The following MDGA2 variants were observed in gnomAD, a reference collection of about 807,000 sequenced individuals.
MDGA2 encodes MAM domain-containing glycosylphosphatidylinositol anchor protein 2.
Under a neutral mutation model 117.8 loss-of-function variants are expected in MDGA2, and 40 were observed. That is an observed-to-expected ratio of 0.34 (90% CI 0.26 to 0.44). The LOEUF (loss-of-function observed/expected upper bound fraction) is 0.44, where lower values mean the gene tolerates loss of function less well. MDGA2 is among the 20% of genes least tolerant of loss of function. The pLI, the probability that MDGA2 is intolerant of heterozygous loss-of-function variation, is 1.00. For missense variants in MDGA2, 1,123 were observed against 1,250.6 expected, an observed-to-expected ratio of 0.90 and a Z score of 1.54; for synonymous variants, 452 against 439.0, an observed-to-expected ratio of 1.03 and a Z score of -0.37.
At chr14:47,249,026 G>GTTT (rs60226550) in intron 2 of MDGA2, among the ~76,000 whole-genome samples, 4 of 145,076 alleles carry the variant, frequency 2.8e-5, no homozygotes, top group African/African-American at 1.0e-4. Flanking sequence ...TGTTGTTGTT[G>GTTT]TTTTTTGTTT....
chr14:47,022,889 C>T (rs906825972), intron 8 of MDGA2, among the ~76,000 whole-genome samples: 2 of 152,098 alleles, frequency 1.3e-5, no homozygotes, highest in African/African-American at 2.4e-5. Context: ...CTTTGAATCA[C>T]AGGTGATGAG....
intron 1 of MDGA2, among the ~76,000 whole-genome samples, chr14:47,563,130 A>T (rs924462980): frequency 6.6e-6 from 1 of 151,920 alleles, no homozygotes; most frequent in Non-Finnish European, 1.5e-5. Context: ...TTAAAAAAAA[A>T]TTTCTGAGGA....
chr14:47,575,908 C>T (rs1896107656), intron 1 of MDGA2, among the ~76,000 whole-genome samples: 1 of 152,052 alleles, frequency 6.6e-6, no homozygotes, highest in Non-Finnish European at 1.5e-5. Context: ...TTATATTTAG[C>T]ACACAAAAAC....
intron 1 of MDGA2, among the ~76,000 whole-genome samples, chr14:47,317,232 A>C (rs1344288971): frequency 1.3e-5 from 2 of 152,138 alleles, no homozygotes; most frequent in African/African-American, 4.8e-5. Flanking sequence ...AAATACAATA[A>C]TAAATAGCTG....
intron 1 of MDGA2, among the ~76,000 whole-genome samples, chr14:47,362,172 G>T (rs1440019564): frequency 1.3e-5 from 2 of 152,046 alleles, no homozygotes; most frequent in Non-Finnish European, 2.9e-5. Flanking sequence ...AAATGAATTT[G>T]CATTACTGAT....
intron 8 of MDGA2, among the ~76,000 whole-genome samples, chr14:47,030,847 T>C (rs1888638816): frequency 6.6e-6 from 1 of 152,178 alleles, no homozygotes; most frequent in Non-Finnish European, 1.5e-5. Context: ...CTTCATACTC[T>C]GGTCCATAAT....
chr14:47,334,837 G>C (rs545897399), intron 1 of MDGA2, among the ~76,000 whole-genome samples: 5 of 151,986 alleles, frequency 3.3e-5, no homozygotes, highest in African/African-American at 1.2e-4. Context: ...GATCCCTGAG[G>C]TGGAGGTCCA....
chr14:47,203,247 G>A (rs1885572755), intron 3 of MDGA2, among the ~76,000 whole-genome samples: 1 of 151,894 alleles, frequency 6.6e-6, no homozygotes, highest in African/African-American at 2.4e-5. Flanking sequence ...TAGGTGTTCA[G>A]GGTGAAGGTA....
intron 6 of MDGA2, among the ~76,000 whole-genome samples, chr14:47,074,676 G>A (rs1890426060): frequency 1.3e-5 from 2 of 152,320 alleles, no homozygotes; most frequent in Non-Finnish European, 2.9e-5. Flanking sequence ...TGCATTTGCT[G>A]TATACAACCT....
chr14:47,551,015 G>C (rs750436071), intron 1 of MDGA2, among the ~76,000 whole-genome samples: 4 of 152,104 alleles, frequency 2.6e-5, no homozygotes, highest in African/African-American at 4.8e-5. Flanking sequence ...AGCACAAATA[G>C]AGTCTTATTA....
At chr14:47,378,265 G>A (rs1259485403) in intron 1 of MDGA2, among the ~76,000 whole-genome samples, 1 of 152,160 alleles carries the variant, frequency 6.6e-6, no homozygotes, top group Admixed American at 6.5e-5. Flanking sequence ...GGAAAAAACA[G>A]AGCAGAAAAG....
At chr14:47,491,257 G>A (rs1894163585) in intron 1 of MDGA2, among the ~76,000 whole-genome samples, 2 of 151,968 alleles carry the variant, frequency 1.3e-5, no homozygotes, top group South Asian at 2.1e-4. Context: ...CTACAGAATC[G>A]ATTAAGAAGA....
intron 1 of MDGA2, among the ~76,000 whole-genome samples, chr14:47,569,215 A>C (rs1211093879): frequency 1.3e-5 from 2 of 152,214 alleles, no homozygotes; most frequent in African/African-American, 2.4e-5. Flanking sequence ...ACTAAGGTTG[A>C]AACTCACATT....
At chr14:46,993,943 G>T (rs1434117930) in intron 8 of MDGA2, among the ~76,000 whole-genome samples, 1 of 152,094 alleles carries the variant, frequency 6.6e-6, no homozygotes, top group Non-Finnish European at 1.5e-5. Context: ...GTTGGGAACT[G>T]GTCACACCCA....
At position 47,229,072 on chromosome 14, in the gene MDGA2, C is replaced by T. The variant is rs1475816323; in HGVS notation, c.421-10877G>A. Among the ~76,000 whole-genome samples, 10 of 152,126 alleles carry T rather than the reference C, an allele frequency of 6.6e-5. 1 individual carries two copies. The East Asian group carries it at 1.9e-3, about 29-fold the overall frequency. Reference sequence around the variant, plus strand: ...AGAATGGTGGGACATTTCTTGAAGTCCAGATTCAGAGATGCCAGCCAAAGG... The same window carrying T: ...AGAATGGTGGGACATTTCTTGAAGTTCAGATTCAGAGATGCCAGCCAAAGG... On this transcript the variant is annotated intron_variant, in intron 2 of 16. Coordinates refer to ENST00000399232, the MANE Select transcript of MDGA2 (RefSeq NM_001113498.3).
At chr14:47,498,759 A>C (rs987843291) in intron 1 of MDGA2, among the ~76,000 whole-genome samples, 6 of 152,166 alleles carry the variant, frequency 3.9e-5, no homozygotes, top group African/African-American at 1.4e-4. Context: ...TTAGGAAAAA[A>C]TATTTCAATT....
Position 47,281,730 on chromosome 14 carries a change from T to A in MDGA2, c.420+19681A>T, listed in dbSNP as rs188874075. Among the ~76,000 whole-genome samples, 51 of 152,322 alleles carry A rather than the reference T, an allele frequency of 3.3e-4. No individual in the cohort carries two copies. The East Asian group carries it at 9.1e-3, about 27-fold the overall frequency. On this transcript the variant is annotated intron_variant, in intron 2 of 16. Coordinates refer to ENST00000399232, the MANE Select transcript of MDGA2 (RefSeq NM_001113498.3). ...GCTGATTTTTGAATTCTGTAATTTC[T>A]TCAGTATGTATTAATTGAAATTCAT... is the stretch of plus-strand genomic sequence containing the variant.
chr14:47,219,336 T>G (rs748571415), intron 2 of MDGA2, among the ~76,000 whole-genome samples: 1 of 133,710 alleles, frequency 7.5e-6, no homozygotes, highest in Non-Finnish European at 1.7e-5. Flanking sequence ...CGTTTGCCCT[T>G]AATTGTGAAT....
chr14:47,365,320 G>A (rs562181844), intron 1 of MDGA2, among the ~76,000 whole-genome samples: 26 of 152,296 alleles, frequency 1.7e-4, no homozygotes, highest in African/African-American at 6.0e-4. Flanking sequence ...GTTCTCCCGT[G>A]GAAGCTGAAG....
Sources: gnomAD v4.1 joint callset for allele counts (sites outside exome capture counted in the v4.1 genomes callset) on GRCh38, gnomAD v4.1.1 for gene constraint, MANE v1.5 for transcripts, NCBI Gene and HGNC (gene_info 2026-07-23, HGNC 2026-07-21) for gene names.